Variants in MYLK observed in about 807,000 individuals in gnomAD.
MYLK encodes myosin light chain kinase.
MYLK carries 106 observed loss-of-function variants against 203.4 expected under a neutral mutation model. The ratio of observed to expected loss-of-function variants is 0.52; its 90% CI spans 0.45 to 0.61. The LOEUF (loss-of-function observed/expected upper bound fraction) is 0.61, where lower values mean the gene tolerates loss of function less well. Among genes scored for constraint, MYLK ranks in the 20% least tolerant of loss-of-function variants. The probability of loss-of-function intolerance (pLI) is 0.00; values close to 1 mark genes in which losing one functional copy is unlikely to be tolerated. For synonymous variants in MYLK, 867 were observed against 959.5 expected (o/e 0.90, Z 1.78); for missense variants, 2,072 against 2,442.3 (o/e 0.85, Z 3.20).
At chr3:123,683,717 G>A (rs2060349798) in intron 19 of MYLK, among the ~76,000 whole-genome samples, 2 of 152,160 alleles carry the variant, frequency 1.3e-5, no homozygotes, top group South Asian at 2.1e-4. Context: ...GGCCTCCGGG[G>A]GCTGTGGGGG....
intron 2 of MYLK, among the ~76,000 whole-genome samples, chr3:123,837,127 G>T (rs1170986880): frequency 6.6e-6 from 1 of 152,090 alleles, no homozygotes; most frequent in Admixed American, 6.6e-5. Context: ...TCCACCTCCT[G>T]GGTTCAAGCA....
intron 29 of MYLK, among the ~76,000 whole-genome samples, chr3:123,636,110 A>G (rs1468179529): frequency 2.0e-5 from 3 of 152,148 alleles, no homozygotes; most frequent in Non-Finnish European, 2.9e-5. Context: ...ATCCGGGTAG[A>G]GGTTACACAG....
chr3:123,700,360 C>T lies in MYLK; in HGVS notation c.3108G>A (p.Lys1036=), dbSNP rs2061141133. 1 of 1,613,368 alleles carries T rather than the reference C, an allele frequency of 6.2e-7. No individual in the cohort carries two copies. Among genetic ancestry groups the T allele is most frequent in the Non-Finnish European group, 8.5e-7 (1 of 1,179,852 alleles). Residue 1036 remains lysine (K), a synonymous_variant, in exon 18 of 34, where the codon AAG becomes AAA. Coordinates refer to ENST00000360304, the MANE Select transcript of MYLK (RefSeq NM_053025.4). The part of the protein sequence containing the change: ...VGNAKPAETL[K]PMGNAKPAET... ...CGGCAGGCTTGGCGTTGCCCATTGG[C>T]TTCAGGGTCTCAGCAGGCTTGGCGT...
At chr3:123,817,090 G>A (rs1389292793) in intron 3 of MYLK, among the ~76,000 whole-genome samples, 1 of 152,202 alleles carries the variant, frequency 6.6e-6, no homozygotes, top group Non-Finnish European at 1.5e-5. Flanking sequence ...TCACTTTCTG[G>A]AAGGATGTTC....
intron 2 of MYLK, among the ~76,000 whole-genome samples, chr3:123,875,823 A>G (rs987244688): frequency 6.6e-6 from 1 of 152,236 alleles, no homozygotes; most frequent in African/African-American, 2.4e-5. Context: ...GAATACACCG[A>G]AACTAGGAAA....
intron 4 of MYLK, among the ~76,000 whole-genome samples, chr3:123,780,931 G>A (rs1396025215): frequency 6.6e-6 from 1 of 152,188 alleles, no homozygotes; most frequent in Non-Finnish European, 1.5e-5. Flanking sequence ...AAAGCCCCAG[G>A]GTGATTCAGC....
At chr3:123,733,394 G>C (rs1260105755) in intron 10 of MYLK, among the ~76,000 whole-genome samples, 2 of 152,160 alleles carry the variant, frequency 1.3e-5, no homozygotes, top group Non-Finnish European at 2.9e-5. Flanking sequence ...TTTGCTTTTC[G>C]ATGTTGGCGA....
At chr3:123,708,656 G>A in intron 15 of MYLK, 42 bp downstream of exon 15, 2 of 1,610,914 alleles carry the variant, frequency 1.2e-6, no homozygotes, top group Non-Finnish European at 1.7e-6. Context: ...AGGGGCTGCA[G>A]CAGCATCTCC....
intron 31 of MYLK, chr3:123,625,223 T>C (rs2058077527): frequency 6.6e-6 from 1 of 152,270 alleles, no homozygotes. Flanking sequence ...CCAACTCTGG[T>C]TGCGACCAGG....
chr3:123,694,995 T>C (rs1418302798), intron 18 of MYLK, among the ~76,000 whole-genome samples: 1 of 152,220 alleles, frequency 6.6e-6, no homozygotes, highest in African/African-American at 2.4e-5. Flanking sequence ...TCAGCATCAC[T>C]GCAGAGCTCC....
chr3:123,765,187 C>T (rs545255746), intron 4 of MYLK, among the ~76,000 whole-genome samples: 2 of 152,184 alleles, frequency 1.3e-5, no homozygotes, highest in Non-Finnish European at 2.9e-5. Context: ...CCAGCAATTC[C>T]ACTTCTGAGC....
intron 4 of MYLK, among the ~76,000 whole-genome samples, chr3:123,770,234 G>A (rs1418340044): frequency 5.3e-5 from 8 of 152,080 alleles, no homozygotes; most frequent in Admixed American, 5.2e-4. Flanking sequence ...TGATGCAGGA[G>A]AATCACTTGA....
At chr3:123,757,959 A>G (rs2063411134) in intron 4 of MYLK, among the ~76,000 whole-genome samples, 1 of 152,136 alleles carries the variant, frequency 6.6e-6, no homozygotes, top group African/African-American at 2.4e-5. Context: ...AATAAAACCA[A>G]TGGTGCTGAG....
At chr3:123,794,722 G>A (rs1576998597) in intron 3 of MYLK, among the ~76,000 whole-genome samples, 1 of 152,150 alleles carries the variant, frequency 6.6e-6, no homozygotes, top group Non-Finnish European at 1.5e-5. Flanking sequence ...TCATTAGAGC[G>A]ATCGTCAACT....
At chr3:123,767,176 C>T (rs922771541) in intron 4 of MYLK, among the ~76,000 whole-genome samples, 3 of 152,208 alleles carry the variant, frequency 2.0e-5, no homozygotes, top group African/African-American at 4.8e-5. Flanking sequence ...GGCTGGGGCC[C>T]AGCTGAGCCA....
rs2108815914 is a variant in MYLK at position 123,738,968 on chromosome 3, T to C, written c.517A>G (p.Lys173Glu). ...GAGAATCGTCCCATCTGTCCTTCTT[T>C]GACCACAACTCGGCCCAGCTTGGTA... The part of the protein sequence containing the change: ...FATKLGRVVV[K>E]EGQMGRFSCK... The change falls in exon 7 of 34, where the codon AAA becomes GAA. Residue 173 changes from lysine to glutamate, a missense_variant. Physicochemically the swap from Lys to Glu is moderately conservative, Grantham distance 56. Around this residue, in one of 3 missense-constraint regions of MYLK, gnomAD observed 683 missense variants for 643.8 expected, o/e 1.06. Coordinates refer to ENST00000360304, the MANE Select transcript of MYLK (RefSeq NM_053025.4). 6.2e-7 allele frequency: 1 copy of C among 1,613,644 alleles called. No individual in the cohort carries two copies.
intron 20 of MYLK, among the ~76,000 whole-genome samples, chr3:123,669,014 C>T (rs950606065): frequency 3.3e-5 from 5 of 152,182 alleles, no homozygotes; most frequent in African/African-American, 9.7e-5. Flanking sequence ...GAAGGGGAAG[C>T]GGTGTCATTG....
intron 27 of MYLK, 50 bp downstream of exon 27, chr3:123,647,174 C>T (rs373280219): frequency 5.6e-5 from 88 of 1,572,048 alleles, no homozygotes; most frequent in Non-Finnish European, 7.2e-5. Flanking sequence ...AGGGGAGACA[C>T]GTTTGGGGGC....
Position 123,752,465 on chromosome 3 carries a change from A to G in MYLK, c.239T>C (p.Leu80Pro). ...AGTCCCCCGGATGCCGCAATCCAGC[A>G]GGAAGCGGCCCCCGCTGGTGATGGG... The part of the protein sequence containing the change: ...GQPITSGGRF[L>P]LDCGIRGTFS... The change falls in exon 5 of 34, where the codon CTG (leucine) becomes CCG (proline). Residue 80 changes from leucine to proline, a missense_variant. Transcript: ENST00000360304. 2 of 1,614,210 alleles carry G rather than the reference A, an allele frequency of 1.2e-6. No homozygotes were observed. Among genetic ancestry groups the G allele is most frequent in the Non-Finnish European group, 1.7e-6 (2 of 1,180,036 alleles).
Sources: allele counts gnomAD v4.1 joint callset (sites outside exome capture counted in the v4.1 genomes callset), GRCh38; gene constraint gnomAD v4.1.1; regional missense constraint gnomAD v4.1.1; transcripts MANE v1.5; gene names NCBI Gene and HGNC (gene_info 2026-07-23, HGNC 2026-07-21).